FNIP1: variants seen among roughly 807,000 people sequenced by gnomAD.
FNIP1 encodes folliculin-interacting protein 1.
In FNIP1, 40 loss-of-function variants were observed where a neutral mutation model predicts 124.5. The observed-to-expected ratio is 0.32, with a 90% CI of 0.25 to 0.42. The LOEUF is 0.42. Among genes scored for constraint, FNIP1 ranks in the 10% least tolerant of loss-of-function variants. FNIP1 has a pLI of 1.00. For missense variants in FNIP1, 1,176 were observed against 1,403.7 expected (o/e 0.84, Z 2.59); for synonymous variants, 472 against 470.6 (o/e 1.00, Z -0.04).
chr5:131,733,956 T>C (rs1410460416), intron 2 of FNIP1, among the ~76,000 whole-genome samples: 1 of 152,204 alleles, frequency 6.6e-6, no homozygotes, highest in Admixed American at 6.5e-5. Context: ...ATCTGTCTGG[T>C]CCTGGACTTT....
At chr5:131,682,470 G>C (rs553546256) in intron 11 of FNIP1, among the ~76,000 whole-genome samples, 3 of 151,910 alleles carry the variant, frequency 2.0e-5, no homozygotes, top group Non-Finnish European at 4.4e-5. Context: ...TATAATCCCA[G>C]CACTTTGGGA....
chr5:131,691,336 A>C (rs1322335705), intron 11 of FNIP1, among the ~76,000 whole-genome samples: 1 of 152,240 alleles, frequency 6.6e-6, no homozygotes, highest in African/African-American at 2.4e-5. Flanking sequence ...TGAATGCAGC[A>C]AAAGGAGTGC....
intron 1 of FNIP1, among the ~76,000 whole-genome samples, chr5:131,760,096 G>C (rs1355128152): frequency 6.6e-6 from 1 of 152,096 alleles, no homozygotes; most frequent in Non-Finnish European, 1.5e-5. Context: ...AGAGGGAAGA[G>C]GGAAAAAGCA....
intron 1 of FNIP1, among the ~76,000 whole-genome samples, chr5:131,777,039 C>T (rs551187822): frequency 8.6e-5 from 13 of 151,848 alleles, no homozygotes; most frequent in Admixed American, 4.6e-4. Flanking sequence ...CAAGACCAGT[C>T]GAAGCAACAT....
In FNIP1 at chr5:131,785,017, TGATATATATG is replaced by T. The variant is rs1561707399; in HGVS notation, c.92+11803_92+11812del. ...TATATGATATATATGACTATATATA[TGATATATATG>T]ACATATATATGATATATATGACTAT... On this transcript the variant is annotated intron_variant, in intron 1 of 17. Transcript: ENST00000510461. Among the ~76,000 whole-genome samples, 73 of 14,192 alleles carry T rather than the reference TGATATATATG, an allele frequency of 5.1e-3. 2 individuals are homozygous for T. Among genetic ancestry groups the T allele is most frequent in the African/African-American group, 0.013 (65 of 4,992 alleles). The allele number at this position is 14,192 out of a possible 152,430, so 9.3% of individuals were successfully genotyped here. A position where few individuals can be genotyped will look rare whatever the true frequency, so the allele number is the denominator to read the frequency against.
At chr5:131,715,258 G>A (rs902132369) in intron 6 of FNIP1, among the ~76,000 whole-genome samples, 1 of 152,138 alleles carries the variant, frequency 6.6e-6, no homozygotes, top group Non-Finnish European at 1.5e-5. Flanking sequence ...GGCTGAGGTG[G>A]GTGGATCACC....
In FNIP1 at chr5:131,672,884, T is replaced by C; in HGVS notation, c.1560A>G (p.Ala520=). 6 of 1,594,302 alleles carry C rather than the reference T, an allele frequency of 3.8e-6. No individual in the cohort carries two copies. The South Asian group carries it at 5.7e-5, about 15-fold the overall frequency. The change falls in exon 14 of 18, where the codon GCA becomes GCG. Residue 520 remains alanine, a synonymous_variant. Coordinates refer to ENST00000510461, the MANE Select transcript of FNIP1 (RefSeq NM_133372.3). Reference sequence around the variant, plus strand: ...GTCGTTTGCCAACTACCACAGTCCTTGCTAACCGTACGGGAGAGCCAATAG... The same window carrying C: ...GTCGTTTGCCAACTACCACAGTCCTCGCTAACCGTACGGGAGAGCCAATAG... ...YGAIGSPVRL[A]RTVVVGKRQD...
chr5:131,658,907 CA>C (rs70974003), intron 15 of FNIP1, among the ~76,000 whole-genome samples: 254 of 41,116 alleles, frequency 6.2e-3, no homozygotes, highest in Non-Finnish European at 8.3e-3. Flanking sequence ...TGGGTCTAGC[CA>C]AAAAAAAAAA....
At chr5:131,674,822 A>T (rs958695228) in intron 13 of FNIP1, among the ~76,000 whole-genome samples, 4 of 145,194 alleles carry the variant, frequency 2.8e-5, no homozygotes, top group Admixed American at 7.7e-5. Flanking sequence ...TTTTTACTTT[A>T]CAAAGCCCTC....
intron 3 of FNIP1, among the ~76,000 whole-genome samples, chr5:131,723,983 T>A (rs538244476): frequency 6.6e-6 from 1 of 152,180 alleles, no homozygotes; most frequent in East Asian, 1.9e-4. Flanking sequence ...TCTTGTGTTA[T>A]TTTGCTGAGA....
intron 1 of FNIP1, among the ~76,000 whole-genome samples, chr5:131,775,775 G>A (rs113950771): frequency 1.2e-3 from 190 of 152,102 alleles, no homozygotes; most frequent in African/African-American, 4.1e-3. Context: ...TGATCCGCCC[G>A]CCTCAGCCTC....
At chr5:131,676,369 G>A (rs1278033273) in intron 13 of FNIP1, among the ~76,000 whole-genome samples, 3 of 151,938 alleles carry the variant, frequency 2.0e-5, no homozygotes, top group East Asian at 2.0e-4. Context: ...GGCTGGTTTC[G>A]AACTCCTGAC....
At position 131,672,700 on chromosome 5, in the gene FNIP1, C is replaced by G. The variant is rs767945551; in HGVS notation, c.1744G>C (p.Glu582Gln). 1.2e-6 allele frequency: 2 copies of G among 1,613,910 alleles called. No homozygotes were observed. The highest frequency in any genetic ancestry group is 1.7e-6 in the Non-Finnish European group (2 of 1,179,898). ...TLEKGEIEES[E>Q]YVLVTMHRNK... is the part of the protein sequence containing the mutation. ...CTATGCATTGTGACAAGGACATACT[C>G]TGATTCTTCTATTTCACCTTTCTCT... is the stretch of plus-strand genomic sequence containing the variant. The change falls in exon 14 of 18, where the codon GAG (glutamate) becomes CAG (glutamine). Residue 582 changes from glutamate to glutamine, a missense_variant. By Grantham distance (29) the Glu-to-Gln change is conservative. Around this residue, in one of 2 missense-constraint regions of FNIP1, gnomAD observed 1,109 missense variants for 1,288.5 expected, o/e 0.86. Coordinates refer to ENST00000510461, the MANE Select transcript of FNIP1 (RefSeq NM_133372.3).
chr5:131,718,932 C>G (rs1769559801), intron 5 of FNIP1, 54 bp downstream of exon 5: 1 of 1,473,450 alleles, frequency 6.8e-7, no homozygotes, highest in Non-Finnish European at 9.5e-7. Flanking sequence ...GGTTAGTTTT[C>G]ATACTTTGCA....
At chr5:131,695,110 A>G (rs927504128) in intron 11 of FNIP1, among the ~76,000 whole-genome samples, 7 of 88,766 alleles carry the variant, frequency 7.9e-5, no homozygotes, top group Admixed American at 2.0e-4. Context: ...GTCTCAAATA[A>G]ATAAATAAAT....
intron 1 of FNIP1, among the ~76,000 whole-genome samples, chr5:131,764,300 A>T (rs1158854201): frequency 6.6e-6 from 1 of 151,234 alleles, no homozygotes; most frequent in Non-Finnish European, 1.5e-5. Flanking sequence ...AGAATGGCCT[A>T]AAACACCTTT....
At chr5:131,732,131 A>G (rs971605314) in intron 2 of FNIP1, among the ~76,000 whole-genome samples, 7 of 152,350 alleles carry the variant, frequency 4.6e-5, no homozygotes, top group Middle Eastern at 6.8e-3. Context: ...CAATCCACCA[A>G]CATCTGTGAT....
intron 5 of FNIP1, among the ~76,000 whole-genome samples, chr5:131,717,757 T>C (rs1191936934): frequency 6.6e-6 from 1 of 152,208 alleles, no homozygotes; most frequent in African/African-American, 2.4e-5. Context: ...AAAACTCTGG[T>C]GATTATGGCT....
At chr5:131,654,855 G>A (rs1328234854) in intron 15 of FNIP1, among the ~76,000 whole-genome samples, 1 of 152,162 alleles carries the variant, frequency 6.6e-6, no homozygotes, top group African/African-American at 2.4e-5. Flanking sequence ...CAAAGGAAAA[G>A]TCCAAAAATA....
Sources: allele counts gnomAD v4.1 joint callset (sites outside exome capture counted in the v4.1 genomes callset), GRCh38; gene constraint gnomAD v4.1.1; regional missense constraint gnomAD v4.1.1; transcripts MANE v1.5; gene names NCBI Gene and HGNC (gene_info 2026-07-23, HGNC 2026-07-21).